The following DTNB variants were observed in gnomAD, a reference collection of about 807,000 sequenced individuals.
The protein encoded by DTNB is DTN-B.
A neutral mutation model predicts 90.7 loss-of-function variants in DTNB; 63 were observed. The observed-to-expected ratio is 0.69, with a 90% confidence interval of 0.57 to 0.86. The LOEUF is 0.86. Among genes scored for constraint, DTNB ranks in the 40% least tolerant of loss-of-function variants. DTNB has a pLI of 0.00. For synonymous variants in DTNB, 277 were observed against 286.7 expected, an observed-to-expected ratio of 0.97 and a Z score of 0.34; for missense variants, 744 against 807.1, an observed-to-expected ratio of 0.92 and a Z score of 0.95.
intron 4 of DTNB, among the ~76,000 whole-genome samples, chr2:25,624,088 T>G (rs1174709463): frequency 3.9e-5 from 6 of 152,192 alleles, no homozygotes; most frequent in African/African-American, 1.4e-4. Flanking sequence ...TTCATCTGTG[T>G]GATAAAACCT....
intron 9 of DTNB, among the ~76,000 whole-genome samples, chr2:25,513,858 C>A (rs1486238117): frequency 6.6e-6 from 1 of 151,182 alleles, no homozygotes; most frequent in Non-Finnish European, 1.5e-5. Context: ...ATTAGTAAGT[C>A]ATGAACACAT....
chr2:25,594,430 C>A (rs1470364565), intron 6 of DTNB, among the ~76,000 whole-genome samples: 1 of 152,186 alleles, frequency 6.6e-6, no homozygotes. Flanking sequence ...ATCATGGGTA[C>A]CACCTTCAGT....
chr2:25,418,223 A>G (rs1030342881), intron 16 of DTNB, among the ~76,000 whole-genome samples: 1 of 152,132 alleles, frequency 6.6e-6, no homozygotes, highest in Non-Finnish European at 1.5e-5. Flanking sequence ...GCCATGTGCC[A>G]TCTTCTTTCC....
chr2:25,546,246 T>C (rs1331401118), intron 8 of DTNB, among the ~76,000 whole-genome samples: 3 of 152,226 alleles, frequency 2.0e-5, no homozygotes. Flanking sequence ...CCTTTCCCTA[T>C]AATAGACAAC....
intron 14 of DTNB, among the ~76,000 whole-genome samples, chr2:25,428,226 T>C (rs983737225): frequency 2.0e-5 from 3 of 152,224 alleles, no homozygotes; most frequent in African/African-American, 7.2e-5. Flanking sequence ...CTGTCTCTGC[T>C]ATTTTTCCTT....
At chr2:25,386,250 G>GC in intron 18 of DTNB, 4 of 319,856 alleles carry the variant, frequency 1.3e-5, no homozygotes, top group Non-Finnish European at 1.8e-5. Flanking sequence ...TGGGGGCTCT[G>GC]TCCAGTCCCA....
intron 17 of DTNB, 80 bp downstream of exon 17, chr2:25,388,122 T>G: frequency 6.5e-7 from 1 of 1,527,726 alleles, no homozygotes. Flanking sequence ...AAAACAGAAA[T>G]GGAAAAAACC....
Position 25,628,581 on chromosome 2 carries a change from GA to G in DTNB, c.149-198del, listed in dbSNP as rs554954763. Among the ~76,000 whole-genome samples, 12 of 152,268 alleles carry G rather than the reference GA, an allele frequency of 7.9e-5. No homozygotes were observed. In the East Asian group the frequency reaches 2.3e-3, roughly 29 times the overall value. On this transcript the variant is annotated intron_variant, in intron 3 of 20. Coordinates refer to ENST00000406818, the MANE Select transcript of DTNB (RefSeq NM_021907.5). Reference sequence around the variant, plus strand: ...TCAAGGAGCCACCACAGCGGTATGGGAAGGACTACTTCCAGCCTTCACATTT... The same window carrying G: ...TCAAGGAGCCACCACAGCGGTATGGGAGGACTACTTCCAGCCTTCACATTT...
At chr2:25,573,778 G>A (rs1282082833) in intron 8 of DTNB, among the ~76,000 whole-genome samples, 1 of 152,088 alleles carries the variant, frequency 6.6e-6, no homozygotes, top group Admixed American at 6.5e-5. Flanking sequence ...AGTGTGCCAC[G>A]TGACTGCTAA....
At position 25,576,900 on chromosome 2, in the gene DTNB, A is replaced by G; in HGVS notation, c.814T>C (p.Trp272Arg). ...HNYQLCQNCF[W>R]RGHAGGPHSN... ...TGAGGGCCGCCGGCATGGCCACGCC[A>G]AAAGCAATTCTGGCAGAGCTGATAG... Residue 272 changes from tryptophan to arginine, a missense_variant, in exon 8 of 21, where the codon TGG (tryptophan) becomes CGG (arginine). Trp to Arg is a moderately radical substitution (Grantham distance 101). Transcript: ENST00000406818. The G allele has an allele frequency of 6.2e-7, 1 of 1,613,502 alleles. No individual in the cohort carries two copies. Among genetic ancestry groups the G allele is most frequent in the Non-Finnish European group, 8.5e-7 (1 of 1,179,730 alleles).
chr2:25,403,340 T>A (rs1199230314), intron 16 of DTNB, among the ~76,000 whole-genome samples: 3 of 152,210 alleles, frequency 2.0e-5, no homozygotes, highest in Admixed American at 2.0e-4. Flanking sequence ...GGTCTCGAAC[T>A]CCTGACCTCA....
At chr2:25,546,551 C>G (rs2082459624) in intron 8 of DTNB, among the ~76,000 whole-genome samples, 1 of 152,136 alleles carries the variant, frequency 6.6e-6, no homozygotes, top group Non-Finnish European at 1.5e-5. Context: ...TTTCGTGAAC[C>G]CAAGACAGAT....
At chr2:25,566,859 C>T (rs1021155377) in intron 8 of DTNB, among the ~76,000 whole-genome samples, 4 of 152,136 alleles carry the variant, frequency 2.6e-5, no homozygotes, top group African/African-American at 4.8e-5. Flanking sequence ...CAAGGACCAG[C>T]GGTGCTAAAG....
intron 16 of DTNB, among the ~76,000 whole-genome samples, chr2:25,416,837 G>GAAGGA (rs1553349555): frequency 1.4e-3 from 218 of 151,566 alleles, no homozygotes; most frequent in Admixed American, 3.4e-3. Context: ...AGGAAGGAAG[G>GAAGGA]AAGGAAGGAA....
chr2:25,556,170 CTTTTTTTTT>C (rs60714399), intron 8 of DTNB, among the ~76,000 whole-genome samples: 1 of 105,566 alleles, frequency 9.5e-6, no homozygotes, highest in African/African-American at 3.9e-5. Context: ...GGCCATCTCT[CTTTTTTTTT>C]TTTTTTTTTT....
At chr2:25,573,121 A>G (rs1047358710) in intron 8 of DTNB, among the ~76,000 whole-genome samples, 2 of 152,018 alleles carry the variant, frequency 1.3e-5, no homozygotes, top group African/African-American at 2.4e-5. Flanking sequence ...AATTTTTTGT[A>G]ATTTTAGTAG....
At chr2:25,436,360 T>G (rs1222657911) in intron 12 of DTNB, among the ~76,000 whole-genome samples, 2 of 151,482 alleles carry the variant, frequency 1.3e-5, no homozygotes, top group African/African-American at 2.4e-5. Flanking sequence ...AAAAAGAATA[T>G]GGTAGCCAAT....
At chr2:25,606,291 T>C (rs1206180259) in intron 5 of DTNB, among the ~76,000 whole-genome samples, 2 of 152,122 alleles carry the variant, frequency 1.3e-5, no homozygotes, top group Non-Finnish European at 2.9e-5. Context: ...AAGACTTCAG[T>C]CTCATCCCTT....
At chr2:25,616,348 T>C (rs2070497256) in intron 4 of DTNB, among the ~76,000 whole-genome samples, 2 of 152,170 alleles carry the variant, frequency 1.3e-5, no homozygotes, top group African/African-American at 4.8e-5. Context: ...TGTACAACAT[T>C]TTCTTAATCT....
Sources: gnomAD v4.1 joint callset for allele counts (sites outside exome capture counted in the v4.1 genomes callset) on GRCh38, gnomAD v4.1.1 for gene constraint, MANE v1.5 for transcripts, NCBI Gene and HGNC (gene_info 2026-07-23, HGNC 2026-07-21) for gene names.